Variants in SORCS3 observed in about 807,000 individuals in gnomAD.
SORCS3 encodes the protein sortilin related VPS10 domain containing receptor 3, also known as VPS10 domain-containing receptor SorCS3.
SORCS3 carries 57 observed loss-of-function variants against 146.3 expected under a neutral mutation model. The ratio of observed to expected loss-of-function variants is 0.39; its 90% CI spans 0.31 to 0.49. SORCS3 has a LOEUF of 0.49. Ranked by LOEUF, SORCS3 falls within the 20% of genes least tolerant of loss-of-function variation. The pLI is 0.92. For missense variants in SORCS3, 1,341 were observed against 1,575.5 expected (o/e 0.85, Z 2.52); for synonymous variants, 653 against 618.5 (o/e 1.06, Z -0.83).
intron 1 of SORCS3, among the ~76,000 whole-genome samples, chr10:104,830,726 A>C (rs1217176638): frequency 6.6e-6 from 1 of 152,230 alleles, no homozygotes; most frequent in Non-Finnish European, 1.5e-5. Flanking sequence ...TAAACAGCAC[A>C]GCCTACTTCT....
intron 1 of SORCS3, among the ~76,000 whole-genome samples, chr10:104,672,843 T>A (rs1039090292): frequency 6.6e-6 from 1 of 152,210 alleles, no homozygotes; most frequent in Admixed American, 6.5e-5. Context: ...TTATCCATTT[T>A]TTGAGGGTAA....
chr10:105,153,236 T>C (rs373252313), intron 9 of SORCS3, among the ~76,000 whole-genome samples: 24 of 152,084 alleles, frequency 1.6e-4, no homozygotes, highest in African/African-American at 5.8e-4. Context: ...TCAGTCTGAC[T>C]TTTTTTTGCT....
intron 1 of SORCS3, among the ~76,000 whole-genome samples, chr10:104,746,158 G>C (rs2016906704): frequency 6.7e-6 from 1 of 148,540 alleles, no homozygotes; most frequent in Non-Finnish European, 1.5e-5. Flanking sequence ...TTTTTTTAAG[G>C]TGGAGTCTCG....
chr10:104,741,663 A>G (rs1429116617), intron 1 of SORCS3, among the ~76,000 whole-genome samples: 1 of 49,338 alleles, frequency 2.0e-5, no homozygotes, highest in East Asian at 7.7e-4. Flanking sequence ...TCTGTCTTCA[A>G]GTTTATTGTT....
chr10:105,036,193 G>A (rs2133699614), intron 4 of SORCS3, among the ~76,000 whole-genome samples: 1 of 151,010 alleles, frequency 6.6e-6, no homozygotes, highest in Non-Finnish European at 1.5e-5. Flanking sequence ...AATTTTTGGG[G>A]AAGGACATAT....
chr10:104,688,441 G>C (rs752505879), intron 1 of SORCS3, among the ~76,000 whole-genome samples: 1 of 119,486 alleles, frequency 8.4e-6, no homozygotes, highest in East Asian at 2.6e-4. Context: ...ATCAGAGCAC[G>C]TTGACTCCAG....
chr10:104,918,619 C>A (rs2019056540), intron 3 of SORCS3, among the ~76,000 whole-genome samples: 1 of 152,158 alleles, frequency 6.6e-6, no homozygotes, highest in African/African-American at 2.4e-5. Flanking sequence ...CCCCACCCAG[C>A]CAACTCAACA....
At chr10:104,746,585 C>A (rs555607998) in intron 1 of SORCS3, among the ~76,000 whole-genome samples, 2 of 152,278 alleles carry the variant, frequency 1.3e-5, no homozygotes, top group South Asian at 4.1e-4. Context: ...AGTCACCATT[C>A]TGTATAAAAA....
chr10:105,100,778 G>T (rs1022950825), intron 6 of SORCS3, among the ~76,000 whole-genome samples: 10 of 152,232 alleles, frequency 6.6e-5, no homozygotes, highest in African/African-American at 2.2e-4. Flanking sequence ...GATGCTGAGA[G>T]TTGGATTCCT....
At chr10:104,669,974 G>C (rs1460482786) in intron 1 of SORCS3, among the ~76,000 whole-genome samples, 1 of 151,872 alleles carries the variant, frequency 6.6e-6, no homozygotes, top group Non-Finnish European at 1.5e-5. Context: ...CTAATGATTA[G>C]TGATATTGAA....
At chr10:104,676,650 G>A (rs2015916223) in intron 1 of SORCS3, among the ~76,000 whole-genome samples, 1 of 152,216 alleles carries the variant, frequency 6.6e-6, no homozygotes, top group African/African-American at 2.4e-5. Flanking sequence ...GAGAATCAGA[G>A]CTTATTCTTT....
intron 2 of SORCS3, among the ~76,000 whole-genome samples, chr10:104,904,857 G>T (rs951541431): frequency 1.3e-5 from 2 of 151,402 alleles, no homozygotes; most frequent in African/African-American, 4.9e-5. Flanking sequence ...AGACTCTAGG[G>T]TGTGACATTC....
intron 2 of SORCS3, among the ~76,000 whole-genome samples, chr10:104,900,938 C>T (rs2018845495): frequency 1.3e-5 from 2 of 151,932 alleles, no homozygotes; most frequent in South Asian, 4.2e-4. Context: ...TATTATCTAC[C>T]CAGTCTCCTT....
At chr10:104,898,900 A>G (rs78099008) in intron 2 of SORCS3, among the ~76,000 whole-genome samples, 1,957 of 152,318 alleles carry the variant, frequency 0.013, 20 homozygotes, top group Non-Finnish European at 0.021. Flanking sequence ...CATAGTGTTA[A>G]GTCACTGAAA....
At chr10:104,867,853 CT>C (rs2018476997) in intron 2 of SORCS3, among the ~76,000 whole-genome samples, 1 of 152,340 alleles carries the variant, frequency 6.6e-6, no homozygotes, top group Admixed American at 6.5e-5. Flanking sequence ...ACAGAGATAT[CT>C]GTGTAAATCC....
At chr10:105,177,424 G>T (rs1045359460) in intron 13 of SORCS3, among the ~76,000 whole-genome samples, 6 of 152,164 alleles carry the variant, frequency 3.9e-5, no homozygotes, top group African/African-American at 1.4e-4. Flanking sequence ...CAAGCACTCA[G>T]AATTGGTCAA....
At chr10:105,211,063 A>G in intron 16 of SORCS3, 74 bp from the exon 17 acceptor site, 2 of 959,184 alleles carry the variant, frequency 2.1e-6, no homozygotes, top group Non-Finnish European at 3.4e-6. Flanking sequence ...GGACATGTAT[A>G]TGTTTGTGTG....
chr10:105,157,143 A>T lies in SORCS3; in HGVS notation c.1488A>T (p.Ala496=). 6.2e-7 allele frequency: 1 copy of T among 1,613,900 alleles called. No homozygotes were observed. Among genetic ancestry groups the T allele is most frequent in the Non-Finnish European group, 8.5e-7 (1 of 1,179,834 alleles). ...GNIIIELYEV[A]GIKGIFLANK... ...TCTCTCACCTTTTTTCCTAGGTAGCAGGTATCAAAGGGATATTTCTGGCAA... is the reference window on the plus strand; with the variant it reads ...TCTCTCACCTTTTTTCCTAGGTAGCTGGTATCAAAGGGATATTTCTGGCAA... Residue 496 remains alanine (A), a synonymous_variant, in exon 10 of 27, where the codon GCA becomes GCT. Transcript: ENST00000369701.
At chr10:105,229,905 A>G (rs760976153) in intron 20 of SORCS3, among the ~76,000 whole-genome samples, 14 of 151,996 alleles carry the variant, frequency 9.2e-5, no homozygotes, top group Non-Finnish European at 2.1e-4. Context: ...CTTGGGCAGG[A>G]GGTGTGGTGT....
Sources: allele counts gnomAD v4.1 joint callset (sites outside exome capture counted in the v4.1 genomes callset), GRCh38; gene constraint gnomAD v4.1.1; transcripts MANE v1.5; gene names NCBI Gene and HGNC (gene_info 2026-07-23, HGNC 2026-07-21).